The following SWT1 variants were observed in gnomAD, a reference collection of about 807,000 sequenced individuals.
SWT1 encodes SWT1 RNA endoribonuclease homolog, also known as transcriptional protein SWT1.
SWT1 carries 33 observed loss-of-function variants against 107.3 expected under a neutral mutation model. The ratio of observed to expected loss-of-function variants is 0.31; its 90% confidence interval spans 0.23 to 0.41. The LOEUF is 0.41. Ranked by LOEUF, SWT1 falls within the 10% of genes least tolerant of loss-of-function variation. The pLI, the probability that SWT1 is intolerant of heterozygous loss-of-function variation, is 1.00. For missense variants in SWT1, 898 were observed against 1,028.9 expected, an observed-to-expected ratio of 0.87 and a Z score of 1.74; for synonymous variants, 345 against 348.3, an observed-to-expected ratio of 0.99 and a Z score of 0.11.
At chr1:185,238,862 T>A (rs1338000243) in intron 16 of SWT1, among the ~76,000 whole-genome samples, 1 of 152,014 alleles carries the variant, frequency 6.6e-6, no homozygotes, top group Non-Finnish European at 1.5e-5. Context: ...AGTTTAAAAA[T>A]TTTTTTGCTA....
chr1:185,209,661 T>C (rs535337727), intron 13 of SWT1, among the ~76,000 whole-genome samples: 1 of 152,384 alleles, frequency 6.6e-6, no homozygotes, highest in Non-Finnish European at 1.5e-5. Flanking sequence ...TCTTTGCTAT[T>C]GTGAACAGTG....
At chr1:185,234,619 T>TA (rs1201937896) in intron 16 of SWT1, among the ~76,000 whole-genome samples, 3 of 152,180 alleles carry the variant, frequency 2.0e-5, no homozygotes, top group Non-Finnish European at 4.4e-5. Context: ...CATTTAAGGT[T>TA]AATATTGTTA....
At chr1:185,228,169 G>GTGTATATATATA (rs1660224962) in intron 15 of SWT1, among the ~76,000 whole-genome samples, 1 of 79,328 alleles carries the variant, frequency 1.3e-5, no homozygotes, top group Non-Finnish European at 2.8e-5. Flanking sequence ...AAAAAAATGT[G>GTGTATATATATA]TATATATATA....
chr1:185,176,939 G>A (rs1026556804), intron 5 of SWT1: 45 of 700,784 alleles, frequency 6.4e-5, no homozygotes, highest in Admixed American at 1.3e-4. Context: ...AGCCAAGATC[G>A]CGCCACTGCA....
intron 14 of SWT1, among the ~76,000 whole-genome samples, chr1:185,219,357 A>G (rs1174696800): frequency 6.6e-6 from 1 of 152,168 alleles, no homozygotes; most frequent in East Asian, 1.9e-4. Context: ...TATCTGTTTC[A>G]TAGGGTAGTT....
At chr1:185,220,822 A>G (rs1482870562) in intron 14 of SWT1, among the ~76,000 whole-genome samples, 1 of 152,236 alleles carries the variant, frequency 6.6e-6, no homozygotes, top group African/African-American at 2.4e-5. Flanking sequence ...AATATGTGAT[A>G]TGTTCAGTGA....
intron 13 of SWT1, among the ~76,000 whole-genome samples, chr1:185,212,847 G>GA (rs1357498221): frequency 6.6e-6 from 1 of 151,448 alleles, no homozygotes; most frequent in African/African-American, 2.4e-5. Flanking sequence ...TTTTGAATGA[G>GA]AAAAATCACA....
At position 185,202,739 on chromosome 1, in the gene SWT1, T is replaced by C. The variant is rs2102454142; in HGVS notation, c.1609T>C (p.Leu537=). 4 of 1,600,562 alleles carry C rather than the reference T, an allele frequency of 2.5e-6. No homozygotes were observed. In the East Asian group the frequency reaches 9.1e-5, roughly 36 times the overall value. The change falls in exon 11 of 19, where the codon TTA becomes CTA. Residue 537 remains leucine (L), a synonymous_variant. Coordinates refer to ENST00000367500, the MANE Select transcript of SWT1 (RefSeq NM_017673.7). ...KEELSAELLH[L]SLNTDVCHQP... The stretch of plus-strand genomic sequence containing the variant: ...AGAATTGAGTGCAGAGTTATTACAC[T>C]TATCTCTGAACACAGATGTGTGTCA...
At chr1:185,247,282 C>T (rs1418011357) in intron 16 of SWT1, among the ~76,000 whole-genome samples, 3 of 152,110 alleles carry the variant, frequency 2.0e-5, no homozygotes, top group Non-Finnish European at 4.4e-5. Context: ...CATGTGTGAC[C>T]TGGGGCTCTC....
chr1:185,282,151 A>T (rs1304046758), intron 18 of SWT1, among the ~76,000 whole-genome samples: 1 of 152,200 alleles, frequency 6.6e-6, no homozygotes, highest in East Asian at 1.9e-4. Context: ...CCCCACCGTA[A>T]AAGACTCTTG....
chr1:185,190,001 C>T (rs991283928), intron 9 of SWT1, among the ~76,000 whole-genome samples: 4 of 152,014 alleles, frequency 2.6e-5, no homozygotes, highest in Admixed American at 6.6e-5. Flanking sequence ...GCACCTGTCA[C>T]AATGCCTGGC....
At chr1:185,193,615 G>A (rs1657137123) in intron 10 of SWT1, among the ~76,000 whole-genome samples, 1 of 151,924 alleles carries the variant, frequency 6.6e-6, no homozygotes, top group African/African-American at 2.4e-5. Context: ...TACAGTTGCA[G>A]GCTGCCATGC....
intron 16 of SWT1, among the ~76,000 whole-genome samples, chr1:185,239,552 G>T (rs1385880518): frequency 6.6e-6 from 1 of 151,922 alleles, no homozygotes; most frequent in Non-Finnish European, 1.5e-5. Flanking sequence ...TTCTTTTTAG[G>T]TAGGAGAAGA....
In SWT1 at chr1:185,165,535, C is replaced by T. The variant is rs74134428; in HGVS notation, c.85-1037C>T. ...ATTATTGTAATAGTTTCCAAAATAACCTCCCTACTTCTGCATTTGCTTCCT... is the reference window on the plus strand; with the variant it reads ...ATTATTGTAATAGTTTCCAAAATAATCTCCCTACTTCTGCATTTGCTTCCT... On this transcript the variant is annotated intron_variant, in intron 2 of 18. Coordinates refer to ENST00000367500, the MANE Select transcript of SWT1 (RefSeq NM_017673.7). Among the ~76,000 whole-genome samples, 380 of 152,304 alleles carry T rather than the reference C, an allele frequency of 2.5e-3. 3 individuals carry two copies. Among genetic ancestry groups the T allele is most frequent in the African/African-American group, 8.6e-3 (359 of 41,576 alleles).
At chr1:185,169,566 A>C (rs1204589537) in intron 4 of SWT1, among the ~76,000 whole-genome samples, 1 of 152,098 alleles carries the variant, frequency 6.6e-6, no homozygotes, top group East Asian at 1.9e-4. Flanking sequence ...CTGTTCCATG[A>C]TTTGAATACA....
In SWT1 at chr1:185,231,560, T is replaced by C. The variant is rs1202203215; in HGVS notation, c.2310-17T>C. The C allele has an allele frequency of 1.3e-6, 2 of 1,588,942 alleles. No individual in the cohort carries two copies. The highest frequency in any genetic ancestry group is 1.7e-6 in the Non-Finnish European group (2 of 1,162,354). On this transcript the variant is annotated splice_polypyrimidine_tract_variant and intron_variant, in intron 15 of 18. Transcript: ENST00000367500. Reference sequence around the variant, plus strand: ...ATGTATGTATACCTATGAGTATCTTTTTTTTCTCTATTTTAGCACGGATGT... The same window carrying C: ...ATGTATGTATACCTATGAGTATCTTCTTTTTCTCTATTTTAGCACGGATGT...
intron 16 of SWT1, among the ~76,000 whole-genome samples, chr1:185,243,979 A>C (rs938322150): frequency 6.6e-6 from 1 of 152,200 alleles, no homozygotes; most frequent in Non-Finnish European, 1.5e-5. Context: ...AGTGTAAAAT[A>C]GTATAGAATG....
intron 4 of SWT1, among the ~76,000 whole-genome samples, chr1:185,170,904 A>G (rs959399785): frequency 6.6e-6 from 1 of 152,186 alleles, no homozygotes; most frequent in Non-Finnish European, 1.5e-5. Flanking sequence ...TGACACTGTC[A>G]TTTTCCACAG....
intron 16 of SWT1, among the ~76,000 whole-genome samples, chr1:185,245,714 A>G (rs931686531): frequency 5.3e-5 from 8 of 152,094 alleles, no homozygotes; most frequent in African/African-American, 1.9e-4. Context: ...ACTAAGTGAT[A>G]GGAATTTTTC....
Sources: gnomAD v4.1 joint callset for allele counts (sites outside exome capture counted in the v4.1 genomes callset) on GRCh38, gnomAD v4.1.1 for gene constraint, MANE v1.5 for transcripts, NCBI Gene and HGNC (gene_info 2026-07-23, HGNC 2026-07-21) for gene names.